The following GAS2L1 variants were observed in gnomAD, a reference collection of about 807,000 sequenced individuals.
The protein encoded by GAS2L1 is growth arrest specific 2 like 1, also known as GAS2-like protein 1.
A neutral mutation model predicts 44.0 loss-of-function variants in GAS2L1; 26 were observed. The observed-to-expected ratio is 0.59, with a 90% CI of 0.43 to 0.82. The LOEUF (loss-of-function observed/expected upper bound fraction) is 0.82. Ranked by LOEUF, GAS2L1 falls within the 40% of genes least tolerant of loss-of-function variation. The pLI is 0.00. For synonymous variants in GAS2L1, 426 were observed against 415.9 expected (o/e 1.02, Z -0.30); for missense variants, 1,006 against 983.0 (o/e 1.02, Z -0.31).
intron 4 of GAS2L1, 40 bp downstream of exon 5, chr22:29,311,038 T>G (rs778992140): frequency 4.5e-6 from 7 of 1,571,686 alleles, no homozygotes; most frequent in Non-Finnish European, 6.1e-6. Context: ...GTCCAGAGGG[T>G]GGGGGGGCGT....
At chr22:29,312,260 T>C in exon 5 of GAS2L1, 1 of 1,612,210 alleles carries the variant, frequency 6.2e-7, no homozygotes, top group Non-Finnish European at 8.5e-7. Context: ...GCTCCTCCGA[T>C]GAAGGCAGCC....
At chr22:29,308,117 A>AGTGGCGGGC in exon 1 of GAS2L1, 7 of 1,557,486 alleles carry the variant, frequency 4.5e-6, no homozygotes, top group Non-Finnish European at 6.1e-6. Context: ...TGGCAGACCC[A>AGTGGCGGGC]GTGGCGGGCA....
exon 1 of GAS2L1, chr22:29,308,271 C>T (rs1434020613): frequency 6.2e-7 from 1 of 1,608,596 alleles, no homozygotes; most frequent in South Asian, 1.1e-5. Context: ...CCTGACAGGG[C>T]TGGCCACGGG....
chr22:29,310,547 G>A lies in GAS2L1; in HGVS notation c.741+1G>A. Reference sequence around the variant, plus strand: ...CTCGAGCCTGCTCATCTTTGTGCGGGTAAGGGCCTGGGGCCGCCCCAGCGG... The same window carrying A: ...CTCGAGCCTGCTCATCTTTGTGCGGATAAGGGCCTGGGGCCGCCCCAGCGG... On this transcript the variant is annotated splice_donor_variant, in intron 2 of 4. Coordinates refer to ENST00000618518, the Ensembl canonical transcript of GAS2L1. LOFTEE classifies it high-confidence loss of function. 1 of 1,600,716 alleles carries A rather than the reference G, an allele frequency of 6.2e-7. No homozygotes were observed. Among genetic ancestry groups the A allele is most frequent in the Non-Finnish European group, 8.6e-7 (1 of 1,167,736 alleles).
At chr22:29,308,501 C>G in exon 1 of GAS2L1, 3 of 1,609,100 alleles carry the variant, frequency 1.9e-6, no homozygotes, top group South Asian at 2.2e-5. Flanking sequence ...TGCGCAAGAA[C>G]GAGAAGAGCG....
At chr22:29,309,716 A>G (rs1339924999) in intron 1 of GAS2L1, among the ~76,000 whole-genome samples, 1 of 152,144 alleles carries the variant, frequency 6.6e-6, no homozygotes, top group African/African-American at 2.4e-5. Context: ...ACGCCTCCAC[A>G]TCAGTGCCCA....
intron 1 of GAS2L1, 49 bp downstream of exon 2, chr22:29,308,787 C>T: frequency 7.1e-7 from 1 of 1,412,092 alleles, no homozygotes; most frequent in Non-Finnish European, 9.3e-7. Flanking sequence ...ACAGCCAGTG[C>T]CTGCAATCTG....
chr22:29,310,714 C>T (rs753254546), exon 3 of GAS2L1: 14 of 1,609,300 alleles, frequency 8.7e-6, no homozygotes, highest in South Asian at 5.5e-5. Context: ...AAGCACGACC[C>T]GTGCCGCTGC....
exon 5 of GAS2L1, chr22:29,311,982 C>A (rs190764048): frequency 1.9e-6 from 3 of 1,610,466 alleles, no homozygotes; most frequent in Admixed American, 3.3e-5. Flanking sequence ...GCAGCTCGAC[C>A]CGCAGCAGGA....
exon 1 of GAS2L1, chr22:29,307,689 C>G (rs990654589): frequency 1.9e-5 from 3 of 160,248 alleles, no homozygotes; most frequent in African/African-American, 7.2e-5. Flanking sequence ...TGCACATAAC[C>G]CACTCTGAGG....
exon 5 of GAS2L1, chr22:29,312,553 T>G: frequency 3.0e-6 from 4 of 1,312,232 alleles, no homozygotes; most frequent in Non-Finnish European, 4.1e-6. Flanking sequence ...TTTGTGGCCT[T>G]AACCCTTCTG....
intron 4 of GAS2L1, 93 bp downstream of exon 5, chr22:29,311,091 C>T: frequency 7.9e-7 from 1 of 1,262,208 alleles, no homozygotes; most frequent in South Asian, 1.4e-5. Context: ...GCCAGAGTGA[C>T]TCACACCCTG....
exon 5 of GAS2L1, chr22:29,312,594 C>T: frequency 1.1e-6 from 1 of 897,146 alleles, no homozygotes; most frequent in Non-Finnish European, 1.6e-6. Flanking sequence ...CTCTTGAGTA[C>T]CAGACCTCAT....
chr22:29,312,396 A>T, exon 5 of GAS2L1: 1 of 1,581,792 alleles, frequency 6.3e-7, no homozygotes, highest in Non-Finnish European at 8.6e-7. Flanking sequence ...ACGTATCCCC[A>T]CGCCTCGGGG....
intron 1 of GAS2L1, among the ~76,000 whole-genome samples, chr22:29,309,989 G>C (rs995512754): frequency 6.6e-6 from 1 of 152,132 alleles, no homozygotes; most frequent in African/African-American, 2.4e-5. Flanking sequence ...TGGGCCGGGC[G>C]TGGTGGCTCG....
chr22:29,310,744 A>G lies in GAS2L1; in HGVS notation c.838+10A>G, dbSNP rs201760797. On this transcript the variant is annotated intron_variant, in intron 3 of 4. Transcript: ENST00000618518. ...CGCTGCTCCTCCACTGGTCAGTGCC[A>G]GGGTGGGGCTGGGGCTGGACGGGCA... The G allele has an allele frequency of 9.5e-5, 152 of 1,607,664 alleles. No homozygotes were observed. In the African/African-American group the frequency reaches 1.5e-3, roughly 16 times the overall value.
exon 1 of GAS2L1, chr22:29,308,004 T>G (rs1181906272): frequency 1.1e-6 from 1 of 919,356 alleles, no homozygotes; most frequent in Non-Finnish European, 1.5e-6. Context: ...AGTGACAGAC[T>G]GGTGCAGGTG....
At chr22:29,312,646 T>C in exon 5 of GAS2L1, 1 of 489,206 alleles carries the variant, frequency 2.0e-6, no homozygotes, top group Non-Finnish European at 3.5e-6. Flanking sequence ...ATGGGACCTC[T>C]GTTGTACATT....
At chr22:29,311,263 A>G (rs2061402421) in intron 4 of GAS2L1, 199 bp from the exon 6 acceptor site, 2 of 578,486 alleles carry the variant, frequency 3.5e-6, no homozygotes, top group East Asian at 5.8e-5. Flanking sequence ...AGAGCCCAGG[A>G]AACTTCTTCT....
Sources: allele counts gnomAD v4.1 joint callset (sites outside exome capture counted in the v4.1 genomes callset), GRCh38; gene constraint gnomAD v4.1.1; transcripts MANE v1.5; gene names NCBI Gene and HGNC (gene_info 2026-07-23, HGNC 2026-07-21).